FOXN3: variants seen among roughly 807,000 people sequenced by gnomAD.
FOXN3 encodes forkhead box protein N3.
A neutral mutation model predicts 38.4 loss-of-function variants in FOXN3; 7 were observed. The observed-to-expected ratio is 0.18, with a 90% CI of 0.10 to 0.34. The LOEUF (loss-of-function observed/expected upper bound fraction) is 0.34. Among genes scored for constraint, FOXN3 ranks in the 10% least tolerant of loss-of-function variants. The probability of loss-of-function intolerance (pLI) is 1.00; values close to 1 mark genes in which losing one functional copy is unlikely to be tolerated. For missense variants in FOXN3, 456 were observed against 613.4 expected, an observed-to-expected ratio of 0.74 and a Z score of 2.71; for synonymous variants, 230 against 242.2, an observed-to-expected ratio of 0.95 and a Z score of 0.47.
At position 89,518,082 on chromosome 14, in the gene FOXN3, A is replaced by G. The variant is rs549325107; in HGVS notation, c.-15+100946T>C. On this transcript the variant is annotated intron_variant, in intron 1 of 6. Coordinates refer to the FOXN3 transcript ENST00000345097. ...TTGACAAGACAGAGCCTTGTGGTTA[A>G]ACAACCCTAAGCAGCTACTGCCTTC... Among the ~76,000 whole-genome samples the G allele has an allele frequency of 6.6e-5, 10 of 152,212 alleles. No homozygotes were observed. In the South Asian group the frequency reaches 1.7e-3, roughly 25 times the overall value.
intron 1 of FOXN3, among the ~76,000 whole-genome samples, chr14:89,525,363 T>C (rs1894412585): frequency 6.6e-6 from 1 of 152,184 alleles, no homozygotes; most frequent in African/African-American, 2.4e-5. Flanking sequence ...ATTAGCATGC[T>C]AAGAGACACT....
intron 3 of FOXN3, among the ~76,000 whole-genome samples, chr14:89,346,239 T>C (rs1468665085): frequency 2.6e-5 from 4 of 152,226 alleles, no homozygotes; most frequent in Admixed American, 2.0e-4. Flanking sequence ...TGTGCTGCTA[T>C]AAACATGCAG....
intron 2 of FOXN3, among the ~76,000 whole-genome samples, chr14:89,391,210 C>A (rs745642262): frequency 6.6e-6 from 1 of 152,158 alleles, no homozygotes; most frequent in Non-Finnish European, 1.5e-5. Flanking sequence ...TAAGTGAATC[C>A]TCCTCCTCGA....
At position 89,456,011 on chromosome 14, in the gene FOXN3, T is replaced by C. The variant is rs10141480; in HGVS notation, c.-14-43521A>G. 2.9e-3 allele frequency among the ~76,000 whole-genome samples: 438 copies of C among 151,654 alleles called. 2 individuals are homozygous for C. Among genetic ancestry groups the C allele is most frequent in the African/African-American group, 9.7e-3 (401 of 41,320 alleles). ...GAGTTTGAGACCAGCCTGACCAACA[T>C]AGTGAAACCCGTGTCTACTAAAAAT... On this transcript the variant is annotated intron_variant, in intron 1 of 6. Transcript: ENST00000345097.
At chr14:89,552,431 G>A (rs1014230975) in intron 1 of FOXN3, among the ~76,000 whole-genome samples, 51 of 152,086 alleles carry the variant, frequency 3.4e-4, no homozygotes, top group Admixed American at 3.1e-3. Flanking sequence ...ATTTTAGTTC[G>A]CAATAGAAGC....
At chr14:89,312,849 C>T (rs529065746) in intron 3 of FOXN3, among the ~76,000 whole-genome samples, 8 of 152,348 alleles carry the variant, frequency 5.3e-5, no homozygotes, top group Non-Finnish European at 8.8e-5. Flanking sequence ...GATACCTCAA[C>T]CCATATCCTC....
intron 3 of FOXN3, among the ~76,000 whole-genome samples, chr14:89,300,857 C>A (rs1390328297): frequency 6.6e-6 from 1 of 152,230 alleles, no homozygotes; most frequent in African/African-American, 2.4e-5. Flanking sequence ...AGTGCAGTGG[C>A]ACAATCTCGG....
At chr14:89,243,781 C>T (rs563167454) in intron 4 of FOXN3, among the ~76,000 whole-genome samples, 1 of 152,278 alleles carries the variant, frequency 6.6e-6, no homozygotes, top group African/African-American at 2.4e-5. Flanking sequence ...CACCATTTTC[C>T]ACAACCTATG....
chr14:89,378,448 C>T (rs977175633), intron 2 of FOXN3, among the ~76,000 whole-genome samples: 8 of 152,198 alleles, frequency 5.3e-5, no homozygotes, highest in Non-Finnish European at 1.2e-4. Flanking sequence ...ATGCTTAAAA[C>T]GCCCAAGTCT....
At chr14:89,213,752 G>C (rs1173114997) in intron 4 of FOXN3, among the ~76,000 whole-genome samples, 1 of 152,142 alleles carries the variant, frequency 6.6e-6, no homozygotes, top group East Asian at 1.9e-4. Flanking sequence ...ATTTGTCCTG[G>C]GGGAGGCAGT....
chr14:89,600,671 G>A (rs141007167), intron 1 of FOXN3, among the ~76,000 whole-genome samples: 59 of 152,250 alleles, frequency 3.9e-4, no homozygotes, highest in African/African-American at 1.3e-3. Context: ...ACTCATTGTG[G>A]GAAGAGACTA....
At chr14:89,391,771 G>C (rs955687382) in intron 2 of FOXN3, among the ~76,000 whole-genome samples, 1 of 152,152 alleles carries the variant, frequency 6.6e-6, no homozygotes, top group African/African-American at 2.4e-5. Context: ...TTGGGAGGCC[G>C]AGGTGGGTGG....
intron 1 of FOXN3, among the ~76,000 whole-genome samples, chr14:89,522,387 G>A (rs1894339187): frequency 6.6e-6 from 1 of 152,126 alleles, no homozygotes; most frequent in African/African-American, 2.4e-5. Context: ...CAGGCAGAGA[G>A]ACAGTGATAC....
chr14:89,276,223 G>A (rs964573161), intron 4 of FOXN3, among the ~76,000 whole-genome samples: 5 of 152,144 alleles, frequency 3.3e-5, no homozygotes, highest in African/African-American at 9.7e-5. Flanking sequence ...AGGTTGCAGT[G>A]AGCCAAGATC....
chr14:89,470,284 TCTGA>T (rs1893066699), intron 1 of FOXN3, among the ~76,000 whole-genome samples: 1 of 82,444 alleles, frequency 1.2e-5, no homozygotes, highest in Non-Finnish European at 2.6e-5. Context: ...CATATTTCTC[TCTGA>T]CTTTCTAAAA....
intron 1 of FOXN3, among the ~76,000 whole-genome samples, chr14:89,570,075 A>G (rs1895460007): frequency 6.7e-6 from 1 of 150,248 alleles, no homozygotes; most frequent in Non-Finnish European, 1.5e-5. Flanking sequence ...ATCTCGGCTC[A>G]CTGCAATCTC....
At chr14:89,518,220 C>T (rs761516815) in intron 1 of FOXN3, among the ~76,000 whole-genome samples, 1 of 152,214 alleles carries the variant, frequency 6.6e-6, no homozygotes, top group South Asian at 2.1e-4. Flanking sequence ...TTCTGACCTT[C>T]GACAGTCTCC....
intron 4 of FOXN3, among the ~76,000 whole-genome samples, chr14:89,228,026 C>T (rs1417057810): frequency 6.6e-6 from 1 of 152,212 alleles, no homozygotes; most frequent in Non-Finnish European, 1.5e-5. Context: ...AGGAATGCAC[C>T]ACCGTGCCTG....
intron 1 of FOXN3, among the ~76,000 whole-genome samples, chr14:89,583,098 C>T (rs140618658): frequency 2.0e-4 from 30 of 152,222 alleles, no homozygotes; most frequent in African/African-American, 4.8e-4. Context: ...TGTGAATGTA[C>T]GCTTTCATTT....
Sources: allele counts gnomAD v4.1 joint callset (sites outside exome capture counted in the v4.1 genomes callset), GRCh38; gene constraint gnomAD v4.1.1; transcripts MANE v1.5; gene names NCBI Gene and HGNC (gene_info 2026-07-23, HGNC 2026-07-21).